The following RBFOX2 variants were observed in gnomAD, a reference collection of about 807,000 sequenced individuals.
RBFOX2 encodes the protein RNA binding protein fox-1 homolog 2.
In RBFOX2, 10 loss-of-function variants were observed where a neutral mutation model predicts 49.1. The observed-to-expected ratio is 0.20, with a 90% CI of 0.13 to 0.35. The LOEUF is 0.35. Ranked by LOEUF, RBFOX2 falls within the 10% of genes least tolerant of loss-of-function variation. The pLI is 1.00. For missense variants in RBFOX2, 323 were observed against 486.9 expected (o/e 0.66, Z 3.17); for synonymous variants, 183 against 187.4 (o/e 0.98, Z 0.19).
At chr22:35,768,964 G>C (rs1181929551) in intron 4 of RBFOX2, among the ~76,000 whole-genome samples, 2 of 152,166 alleles carry the variant, frequency 1.3e-5, no homozygotes, top group African/African-American at 4.8e-5. Context: ...TATGTACTGG[G>C]TGTGGGAGAG....
chr22:36,021,512 T>C (rs1004437043), intron 1 of RBFOX2, among the ~76,000 whole-genome samples: 1 of 151,274 alleles, frequency 6.6e-6, no homozygotes, highest in African/African-American at 2.4e-5. Flanking sequence ...CTCCAAATGC[T>C]ACTAAAAAAA....
chr22:35,856,880 A>C (rs2042573423), intron 1 of RBFOX2, among the ~76,000 whole-genome samples: 1 of 152,020 alleles, frequency 6.6e-6, no homozygotes, highest in Non-Finnish European at 1.5e-5. Context: ...AAAATACAAA[A>C]AATTAGCCAG....
At chr22:35,762,291 G>T (rs1027011431) in intron 6 of RBFOX2, among the ~76,000 whole-genome samples, 1 of 151,768 alleles carries the variant, frequency 6.6e-6, no homozygotes, top group Non-Finnish European at 1.5e-5. Flanking sequence ...TTTTTAAAAA[G>T]GAATAATATA....
chr22:35,835,996 C>T (rs1460065649), intron 1 of RBFOX2, among the ~76,000 whole-genome samples: 1 of 151,782 alleles, frequency 6.6e-6, no homozygotes. Context: ...AACCCACAAT[C>T]CCCGCCTATC....
chr22:35,959,845 A>T (rs1220740686), intron 1 of RBFOX2, among the ~76,000 whole-genome samples: 1 of 152,180 alleles, frequency 6.6e-6, no homozygotes, highest in African/African-American at 2.4e-5. Flanking sequence ...CAGACACCAA[A>T]ATCCACAGAT....
At chr22:35,947,909 G>C (rs1370406175) in intron 1 of RBFOX2, among the ~76,000 whole-genome samples, 1 of 152,090 alleles carries the variant, frequency 6.6e-6, no homozygotes, top group South Asian at 2.1e-4. Flanking sequence ...ATTTAGCGTA[G>C]CCTAAGTGTA....
intron 1 of RBFOX2, among the ~76,000 whole-genome samples, chr22:35,976,919 G>A (rs1203794913): frequency 1.3e-5 from 2 of 149,976 alleles, no homozygotes; most frequent in African/African-American, 2.5e-5. Flanking sequence ...AGCCAAGATC[G>A]CGTCACTGCA....
At chr22:35,782,866 ATTTT>A (rs1377446312) in intron 2 of RBFOX2, among the ~76,000 whole-genome samples, 1 of 152,066 alleles carries the variant, frequency 6.6e-6, no homozygotes, top group Non-Finnish European at 1.5e-5. Flanking sequence ...TTATTTATTT[ATTTT>A]TTAATTTTTT....
intron 1 of RBFOX2, among the ~76,000 whole-genome samples, chr22:35,827,839 A>G (rs1257450182): frequency 1.3e-5 from 2 of 152,110 alleles, no homozygotes; most frequent in Non-Finnish European, 2.9e-5. Flanking sequence ...GTATGTGTTC[A>G]CTCTTCTGCT....
Position 35,835,192 on chromosome 22 carries a change from A to T in RBFOX2, c.27+5000T>A, listed in dbSNP as rs144059143. 3.5e-3 allele frequency among the ~76,000 whole-genome samples: 539 copies of T among 152,244 alleles called. 4 individuals carry two copies. Among genetic ancestry groups the T allele is most frequent in the African/African-American group, 0.012 (503 of 41,532 alleles). On this transcript the variant is annotated intron_variant, in intron 1 of 11. Coordinates refer to ENST00000405409, the Ensembl canonical transcript of RBFOX2. ...AAAAAAGATTTGACAGTGGTTTGGAAATGTTGAAAAAAAAGAGTGAGGAAT... is the reference window on the plus strand; with the variant it reads ...AAAAAAGATTTGACAGTGGTTTGGATATGTTGAAAAAAAAGAGTGAGGAAT...
intron 1 of RBFOX2, among the ~76,000 whole-genome samples, chr22:35,861,109 G>T (rs1309972938): frequency 6.6e-6 from 1 of 152,174 alleles, no homozygotes; most frequent in African/African-American, 2.4e-5. Flanking sequence ...AACAAATGGT[G>T]CTGACACAAC....
chr22:35,872,420 T>C (rs1481725714), intron 1 of RBFOX2, among the ~76,000 whole-genome samples: 1 of 152,214 alleles, frequency 6.6e-6, no homozygotes, highest in Non-Finnish European at 1.5e-5. Flanking sequence ...CTCTACCTTG[T>C]TGCAAGGACA....
intron 1 of RBFOX2, among the ~76,000 whole-genome samples, chr22:35,835,149 T>C (rs1488618697): frequency 2.6e-5 from 4 of 151,862 alleles, no homozygotes; most frequent in Non-Finnish European, 4.4e-5. Context: ...ACATACAAAA[T>C]GTTGGGAGGA....
intron 1 of RBFOX2, among the ~76,000 whole-genome samples, chr22:35,853,644 C>CAT (rs894744344): frequency 1.4e-5 from 2 of 144,434 alleles, no homozygotes; most frequent in South Asian, 2.3e-4. Context: ...CATACATATA[C>CAT]ATATATATAC....
At chr22:35,864,182 T>C (rs777881174) in intron 1 of RBFOX2, among the ~76,000 whole-genome samples, 2 of 152,156 alleles carry the variant, frequency 1.3e-5, no homozygotes, top group African/African-American at 2.4e-5. Context: ...CAGCTGAACA[T>C]AAAATATCAA....
intron 1 of RBFOX2, among the ~76,000 whole-genome samples, chr22:35,987,348 G>A (rs1481942683): frequency 1.3e-5 from 2 of 152,130 alleles, no homozygotes; most frequent in Admixed American, 1.3e-4. Context: ...ATACTATTCT[G>A]AGTTGCAGAA....
chr22:35,886,998 G>C (rs1281512378), intron 1 of RBFOX2, among the ~76,000 whole-genome samples: 1 of 152,134 alleles, frequency 6.6e-6, no homozygotes, highest in Non-Finnish European at 1.5e-5. Flanking sequence ...TGTGTGCTTT[G>C]ACCACGCTGA....
chr22:35,898,543 A>G (rs2048162169), intron 1 of RBFOX2: 2 of 251,412 alleles, frequency 8.0e-6, no homozygotes, highest in Non-Finnish European at 1.5e-5. Context: ...CTCTCACCTC[A>G]GCCTCCAGAG....
intron 9 of RBFOX2, among the ~76,000 whole-genome samples, chr22:35,752,155 A>AT (rs1935185256): frequency 6.6e-6 from 1 of 152,232 alleles, no homozygotes; most frequent in Non-Finnish European, 1.5e-5. Context: ...CAGTCCAATT[A>AT]CAACTGGTAT....
Sources: gnomAD v4.1 joint callset for allele counts (sites outside exome capture counted in the v4.1 genomes callset) on GRCh38, gnomAD v4.1.1 for gene constraint, MANE v1.5 for transcripts, NCBI Gene and HGNC (gene_info 2026-07-23, HGNC 2026-07-21) for gene names.